STXBP5L: variants seen among roughly 807,000 people sequenced by gnomAD.
STXBP5L encodes the protein syntaxin binding protein 5L.
A neutral mutation model predicts 144.5 loss-of-function variants in STXBP5L; 65 were observed. The observed-to-expected ratio is 0.45, with a 90% CI of 0.37 to 0.55. STXBP5L has a LOEUF of 0.55. Among genes scored for constraint, STXBP5L ranks in the 20% least tolerant of loss-of-function variants. STXBP5L has a pLI of 0.00. For missense variants in STXBP5L, 1,298 were observed against 1,405.5 expected, an observed-to-expected ratio of 0.92 and a Z score of 1.22; for synonymous variants, 505 against 469.6, an observed-to-expected ratio of 1.08 and a Z score of -0.97.
At chr3:121,321,879 G>C (rs565948842) in intron 20 of STXBP5L, among the ~76,000 whole-genome samples, 3 of 152,034 alleles carry the variant, frequency 2.0e-5, no homozygotes, top group South Asian at 2.1e-4. Context: ...AGATTCAGGG[G>C]TTACAAGTGG....
chr3:121,088,443 CA>C (rs1370925692), intron 5 of STXBP5L, among the ~76,000 whole-genome samples: 1 of 107,136 alleles, frequency 9.3e-6, no homozygotes. Flanking sequence ...CAGGAAACAA[CA>C]GGTGCTGGAG....
At chr3:121,322,341 G>T (rs2108539636) in intron 20 of STXBP5L, among the ~76,000 whole-genome samples, 1 of 152,186 alleles carries the variant, frequency 6.6e-6, no homozygotes, top group South Asian at 2.1e-4. Flanking sequence ...AGCCAGGTGT[G>T]GTGGTGCATG....
chr3:121,347,964 A>G (rs906161894), intron 20 of STXBP5L, among the ~76,000 whole-genome samples: 18 of 152,164 alleles, frequency 1.2e-4, no homozygotes, highest in Non-Finnish European at 1.2e-4. Flanking sequence ...TCTCCTGCCT[A>G]ATTGCCCTGG....
intron 5 of STXBP5L, among the ~76,000 whole-genome samples, chr3:121,089,831 C>A (rs1174876296): frequency 1.3e-5 from 2 of 151,948 alleles, no homozygotes; most frequent in Non-Finnish European, 2.9e-5. Context: ...GCCACTGGCT[C>A]TTATGTCTGT....
intron 12 of STXBP5L, 63 bp from the exon 13 acceptor site, chr3:121,238,908 T>C (rs2049572977): frequency 7.1e-7 from 1 of 1,412,894 alleles, no homozygotes; most frequent in South Asian, 1.5e-5. Context: ...GCTTACTTTA[T>C]CAAAATTATT....
At position 121,178,043 on chromosome 3, in the gene STXBP5L, T is replaced by C. The variant is rs80312500; in HGVS notation, c.877+20416T>C. On this transcript the variant is annotated intron_variant, in intron 9 of 26. Coordinates refer to ENST00000471454, the MANE Select transcript of STXBP5L (RefSeq NM_001308330.2). The stretch of plus-strand genomic sequence containing the variant: ...CAGGCACAAGAAGACAAATACTGTA[T>C]GATTCCATTTATATAAGGTACCTAT... Among the ~76,000 whole-genome samples, 964 of 152,316 alleles carry C rather than the reference T, an allele frequency of 6.3e-3. 7 individuals are homozygous for C. The highest frequency in any genetic ancestry group is 0.02 in the African/African-American group (847 of 41,584).
chr3:121,140,943 TAAG>T (rs1341333553), intron 7 of STXBP5L, among the ~76,000 whole-genome samples: 1 of 152,138 alleles, frequency 6.6e-6, no homozygotes, highest in East Asian at 1.9e-4. Flanking sequence ...TTAACTATAA[TAAG>T]TTTAACCATT....
In STXBP5L at chr3:121,285,726, C is replaced by T. The variant is rs752086783; in HGVS notation, c.2110+5770C>T. Among the ~76,000 whole-genome samples, 48 of 152,044 alleles carry T rather than the reference C, an allele frequency of 3.2e-4. 2 individuals carry two copies. The highest frequency in any genetic ancestry group is 1.3e-4 in the Non-Finnish European group (9 of 67,976). On this transcript the variant is annotated intron_variant, in intron 19 of 26. Transcript: ENST00000471454. Reference sequence around the variant, plus strand: ...TTGTTTTACCTTTTCCATTTATTAGCTACTTCATACATTTATAATCTTAAA... The same window carrying T: ...TTGTTTTACCTTTTCCATTTATTAGTTACTTCATACATTTATAATCTTAAA...
At chr3:121,096,206 G>T (rs1029201207) in intron 5 of STXBP5L, among the ~76,000 whole-genome samples, 1 of 152,176 alleles carries the variant, frequency 6.6e-6, no homozygotes, top group Non-Finnish European at 1.5e-5. Flanking sequence ...GCTGGGAGTT[G>T]TGGACTGGAG....
rs760520414 is a variant in STXBP5L, at chr3:120,909,711, G to A, written c.133G>A (p.Val45Ile). The stretch of plus-strand genomic sequence containing the variant: ...CGTACATCCGGCGGGGACTGCAGGG[G>A]TTCTCAGAGAGGAAATTCAGGAAAC... ...GSVHPAGTAG[V>I]LREEIQETLT... The change falls in exon 2 of 27, where the codon GTT (valine) becomes ATT (isoleucine). Residue 45 changes from valine to isoleucine, a missense_variant. Coordinates refer to ENST00000471454, the MANE Select transcript of STXBP5L (RefSeq NM_001308330.2). 6 of 1,611,510 alleles carry A rather than the reference G, an allele frequency of 3.7e-6. No individual in the cohort carries two copies. The highest frequency in any genetic ancestry group is 5.1e-6 in the Non-Finnish European group (6 of 1,179,356).
intron 7 of STXBP5L, among the ~76,000 whole-genome samples, chr3:121,146,162 T>C (rs1188313781): frequency 6.6e-6 from 1 of 152,062 alleles, no homozygotes; most frequent in Non-Finnish European, 1.5e-5. Flanking sequence ...CTTCTAATCC[T>C]GCATAATTAC....
At chr3:121,212,707 G>A (rs1394932945) in intron 10 of STXBP5L, among the ~76,000 whole-genome samples, 2 of 151,954 alleles carry the variant, frequency 1.3e-5, no homozygotes, top group African/African-American at 4.8e-5. Flanking sequence ...GCTCTTTTTT[G>A]CTTCCATATG....
intron 18 of STXBP5L, among the ~76,000 whole-genome samples, chr3:121,278,530 T>C (rs779631613): frequency 3.9e-5 from 6 of 151,982 alleles, no homozygotes; most frequent in Admixed American, 1.3e-4. Context: ...ATTTGCTATA[T>C]TTTAACATAA....
chr3:121,246,313 C>T (rs1056005985), intron 14 of STXBP5L, among the ~76,000 whole-genome samples: 4 of 152,168 alleles, frequency 2.6e-5, no homozygotes, highest in Admixed American at 2.0e-4. Context: ...TCTCACCACC[C>T]GCATCTGTGG....
At chr3:120,981,121 T>G (rs1333702033) in intron 3 of STXBP5L, among the ~76,000 whole-genome samples, 2 of 152,252 alleles carry the variant, frequency 1.3e-5, no homozygotes, top group East Asian at 1.9e-4. Flanking sequence ...CCCTTCTTTC[T>G]TTCCACTTTT....
At chr3:121,205,722 C>T (rs1279872855) in intron 9 of STXBP5L, among the ~76,000 whole-genome samples, 1 of 152,036 alleles carries the variant, frequency 6.6e-6, no homozygotes, top group Non-Finnish European at 1.5e-5. Flanking sequence ...AATTATATAG[C>T]AGACAATTAT....
intron 20 of STXBP5L, among the ~76,000 whole-genome samples, chr3:121,331,393 A>G (rs560307479): frequency 6.6e-6 from 1 of 152,342 alleles, no homozygotes; most frequent in East Asian, 1.9e-4. Flanking sequence ...CCTTTCTGGA[A>G]CATTTCAGGG....
chr3:121,337,316 G>T (rs1183991366), intron 20 of STXBP5L, among the ~76,000 whole-genome samples: 2 of 151,658 alleles, frequency 1.3e-5, no homozygotes, highest in Admixed American at 6.6e-5. Context: ...CTCATCTAAT[G>T]CAAGGATTCT....
chr3:120,975,056 G>A (rs559022934), intron 3 of STXBP5L, among the ~76,000 whole-genome samples: 1 of 152,166 alleles, frequency 6.6e-6, no homozygotes, highest in African/African-American at 2.4e-5. Context: ...GAACTTTAAA[G>A]TAGTTTTTTC....
Sources: gnomAD v4.1 joint callset for allele counts (sites outside exome capture counted in the v4.1 genomes callset) on GRCh38, gnomAD v4.1.1 for gene constraint, MANE v1.5 for transcripts, NCBI Gene and HGNC (gene_info 2026-07-23, HGNC 2026-07-21) for gene names.